The following TEX13B variants were observed in gnomAD, a reference collection of about 807,000 sequenced individuals.
TEX13B encodes testis expressed 13B, also known as testis-expressed protein 13B.
In TEX13B, 5 loss-of-function variants were observed where a neutral mutation model predicts 11.2. That is an observed-to-expected ratio of 0.44 (90% CI 0.23 to 0.93). The LOEUF (loss-of-function observed/expected upper bound fraction) is 0.93, where lower values mean the gene tolerates loss of function less well. Among genes scored for constraint, TEX13B ranks in the 40% least tolerant of loss-of-function variants. The pLI, the probability that TEX13B is intolerant of heterozygous loss-of-function variation, is 0.23. For missense variants in TEX13B, 213 were observed against 244.2 expected, an observed-to-expected ratio of 0.87 and a Z score of 0.85; for synonymous variants, 115 against 100.9, an observed-to-expected ratio of 1.14 and a Z score of -0.84.
chrX:107,982,270 C>G, intron 1 of TEX13B, 40 bp downstream of exon 1: 1 of 601,593 alleles, frequency 1.7e-6, no homozygotes, highest in Non-Finnish European at 2.5e-6. Context: ...ACCCTCTGAC[C>G]GGCTTGTCCT....
rs750553934 is a variant in TEX13B, at chrX:107,981,956, C to T, written c.172G>A (p.Glu58Lys). ...DKLRAILEDS[E>K]VPSEVKEACT... ...GCCTCTTTGACCTCGCTGGGCACCT[C>T]GCTGTCCTCCAGGATGGCCCTGAGC... is the stretch of plus-strand genomic sequence containing the variant. The change falls in exon 2 of 3, where the codon GAG becomes AAG. Residue 58 changes from glutamate (E) to lysine (K), a missense_variant. Physicochemically the swap from Glu to Lys is moderately conservative, Grantham distance 56. Transcript: ENST00000302917. The T allele has an allele frequency of 3.1e-5, 37 of 1,210,244 alleles. No homozygotes were observed. The South Asian group carries it at 6.0e-4, about 20-fold the overall frequency.
chrX:107,981,019 G>C lies in TEX13B; in HGVS notation c.*61C>G. ...GCTGATGGAGTTCGGAGTCTCTCCTGTCTCTTGGGGGCTCTTGAGGGTCTA... is the reference window on the plus strand; with the variant it reads ...GCTGATGGAGTTCGGAGTCTCTCCTCTCTCTTGGGGGCTCTTGAGGGTCTA... On this transcript the variant is annotated 3_prime_UTR_variant, in exon 3 of 3. Transcript: ENST00000302917. 1 of 1,201,141 alleles carries C rather than the reference G, an allele frequency of 8.3e-7. No individual in the cohort carries two copies. Among genetic ancestry groups the C allele is most frequent in the East Asian group, 3.0e-5 (1 of 33,758 alleles).
In TEX13B at chrX:107,981,731, C is replaced by T; in HGVS notation, c.397G>A (p.Glu133Lys). ...NEATFQLQLT[E>K]TSLAEVQRER... is the part of the protein sequence containing the mutation. Reference sequence around the variant, plus strand: ...CTCTGCACCTCCGCAAGGCTGGTCTCGGTTAGCTGCAACTGGAAGGTCGCC... The same window carrying T: ...CTCTGCACCTCCGCAAGGCTGGTCTTGGTTAGCTGCAACTGGAAGGTCGCC... The change falls in exon 2 of 3, where the codon GAG (glutamate) becomes AAG (lysine). Residue 133 changes from glutamate (E) to lysine (K), a missense_variant. Coordinates refer to ENST00000302917, the MANE Select transcript of TEX13B (RefSeq NM_031273.2). The T allele has an allele frequency of 8.3e-7, 1 of 1,210,879 alleles. No homozygotes were observed. Among genetic ancestry groups the T allele is most frequent in the Non-Finnish European group, 1.1e-6 (1 of 895,014 alleles).
rs1273382463 is a variant in TEX13B, at chrX:107,981,425, T to C, written c.594A>G (p.Lys198=). 2.5e-6 allele frequency: 3 copies of C among 1,210,073 alleles called. No individual in the cohort carries two copies. Among genetic ancestry groups the C allele is most frequent in the Non-Finnish European group, 3.4e-6 (3 of 895,220 alleles). ...CTGCCTCTGCATACCTCTCCTCTCC[T>C]TTTCCTCCAGCAGCACCAGCAGCAG... ...AVAAAGAAGG[K]GEERYAEAGP... The change falls in exon 3 of 3, where the codon AAA becomes AAG. Residue 198 remains lysine, a synonymous_variant. Coordinates refer to ENST00000302917, the MANE Select transcript of TEX13B (RefSeq NM_031273.2).
At position 107,981,212 on chromosome X, in the gene TEX13B, A is replaced by T. The variant is rs1226215592; in HGVS notation, c.807T>A (p.Ala269=). The T allele has an allele frequency of 2.5e-6, 3 of 1,209,944 alleles. No individual in the cohort carries two copies. The highest frequency in any genetic ancestry group is 3.4e-6 in the Non-Finnish European group (3 of 895,208). The part of the protein sequence containing the change: ...HSLTGASSCP[A]PYLIHILIPM... Reference sequence around the variant, plus strand: ...GTATGAGTATGTGAATGAGGTAGGGAGCTGGACAGGAAGAGGCTCCAGTGA... The same window carrying T: ...GTATGAGTATGTGAATGAGGTAGGGTGCTGGACAGGAAGAGGCTCCAGTGA... Residue 269 remains alanine, a synonymous_variant, in exon 3 of 3, where the codon GCT becomes GCA. Coordinates refer to ENST00000302917, the MANE Select transcript of TEX13B (RefSeq NM_031273.2).
Position 107,981,330 on chromosome X carries a change from G to T in TEX13B, c.689C>A (p.Ala230Glu), listed in dbSNP as rs1256784515. 2.5e-6 allele frequency: 3 copies of T among 1,211,629 alleles called. No homozygotes were observed. Among genetic ancestry groups the T allele is most frequent in the East Asian group, 3.0e-5 (1 of 33,815 alleles). ...TGCCCCGCAAAGGTGTAATTTGCCT[G>T]CTACAATAGCTCCGAGGGGCTGCCT... ...GFRQPLGAIV[A>E]GKLHLCGAEG... Residue 230 changes from alanine to glutamate, a missense_variant, in exon 3 of 3, where the codon GCA (alanine) becomes GAA (glutamate). Transcript: ENST00000302917.
In TEX13B at chrX:107,981,678, G is replaced by A. The variant is rs757384919; in HGVS notation, c.450C>T (p.Leu150=). The A allele has an allele frequency of 1.9e-5, 23 of 1,196,942 alleles. No individual in the cohort carries two copies. The highest frequency in any genetic ancestry group is 2.6e-5 in the Non-Finnish European group (23 of 886,250). ...ATTCGGGGGATCTTACGGCATGGAAGAGCTTCCATCTCAGCATGTCCCGCT... is the reference window on the plus strand; with the variant it reads ...ATTCGGGGGATCTTACGGCATGGAAAAGCTTCCATCTCAGCATGTCCCGCT... The part of the protein sequence containing the change: ...QRERDMLRWK[L]FHAELAPPQG... The change falls in exon 2 of 3, where the codon CTC becomes CTT. Residue 150 remains leucine (L), a synonymous_variant. Coordinates refer to ENST00000302917, the MANE Select transcript of TEX13B (RefSeq NM_031273.2).
rs754114790 is a variant in TEX13B, at chrX:107,981,989, C to T, written c.139G>A (p.Glu47Lys). 1.7e-5 allele frequency: 20 copies of T among 1,210,183 alleles called. No homozygotes were observed. Among genetic ancestry groups the T allele is most frequent in the Non-Finnish European group, 2.1e-5 (19 of 895,147 alleles). Residue 47 changes from glutamate (E) to lysine (K), a missense_variant, in exon 2 of 3, where the codon GAA (glutamate) becomes AAA (lysine). Physicochemically the swap from Glu to Lys is moderately conservative, Grantham distance 56 (BLOSUM62 1). Transcript: ENST00000302917. ...ENISLSWEEVEDKLRAILEDS... is the reference protein window; with the variant it reads ...ENISLSWEEVKDKLRAILEDS... ...TCCAGGATGGCCCTGAGCTTGTCTT[C>T]CACCTCCTCCCAGGATAAGGATATA...
chrX:107,981,020 T>C lies in TEX13B; in HGVS notation c.*60A>G. On this transcript the variant is annotated 3_prime_UTR_variant, in exon 3 of 3. Transcript: ENST00000302917. ...CTGATGGAGTTCGGAGTCTCTCCTG[T>C]CTCTTGGGGGCTCTTGAGGGTCTAT... 1 of 1,202,371 alleles carries C rather than the reference T, an allele frequency of 8.3e-7. No individual in the cohort carries two copies. The highest frequency in any genetic ancestry group is 1.1e-6 in the Non-Finnish European group (1 of 889,752).
intron 1 of TEX13B, 39 bp from the exon 2 acceptor site, chrX:107,982,198 C>T: frequency 2.0e-6 from 2 of 1,005,151 alleles, no homozygotes; most frequent in Non-Finnish European, 2.7e-6. Context: ...CTTTCCTCCT[C>T]CTTAGCCCCT....
chrX:107,982,139 G>C lies in TEX13B; in HGVS notation c.-12C>G, dbSNP rs751410554. 1.9e-5 allele frequency: 22 copies of C among 1,179,906 alleles called. No homozygotes were observed. The highest frequency in any genetic ancestry group is 2.5e-5 in the Non-Finnish European group (22 of 877,451). On this transcript the variant is annotated 5_prime_UTR_variant, in exon 2 of 3. Coordinates refer to ENST00000302917, the MANE Select transcript of TEX13B (RefSeq NM_031273.2). Reference sequence around the variant, plus strand: ...GGTCTCAAGGCCATGATCGCCTAGGGGCTTAACGGTTTCACTAGCCCTGTG... The same window carrying C: ...GGTCTCAAGGCCATGATCGCCTAGGCGCTTAACGGTTTCACTAGCCCTGTG...
Position 107,981,690 on chromosome X carries a change from C to T in TEX13B, c.438G>A (p.Leu146=). 8.3e-7 allele frequency: 1 copy of T among 1,200,436 alleles called. No individual in the cohort carries two copies. The highest frequency in any genetic ancestry group is 1.1e-6 in the Non-Finnish European group (1 of 888,722). Residue 146 remains leucine (L), a synonymous_variant, in exon 2 of 3, where the codon CTG becomes CTA. Coordinates refer to ENST00000302917, the MANE Select transcript of TEX13B (RefSeq NM_031273.2). ...TTACGGCATGGAAGAGCTTCCATCT[C>T]AGCATGTCCCGCTCTCTCTGCACCT... is the stretch of plus-strand genomic sequence containing the variant. The part of the protein sequence containing the change: ...LAEVQRERDM[L]RWKLFHAELA...
At position 107,980,945 on chromosome X, in the gene TEX13B, C is replaced by T; in HGVS notation, c.*135G>A. On this transcript the variant is annotated 3_prime_UTR_variant, in exon 3 of 3. Transcript: ENST00000302917. ...CCATGAAAAATTCACAGCTTTACAC[C>T]ACGGGCAGTCCCAGTTCCCTGGCCT... 1.0e-6 allele frequency: 1 copy of T among 968,855 alleles called. No individual in the cohort carries two copies. The highest frequency in any genetic ancestry group is 1.5e-6 in the Non-Finnish European group (1 of 682,327). 79.8% of individuals were successfully genotyped at this position (968,855 alleles called of 1,213,427 possible).
chrX:107,982,104 G>A lies in TEX13B; in HGVS notation c.24C>T (p.Pro8=). ...CGTTTCCGTGCCGGAACCCACTACT[G>A]GGGTCCTCAGGTCTCAAGGCCATGA... is the stretch of plus-strand genomic sequence containing the variant. The part of the protein sequence containing the change: MALRPED[P]SSGFRHGNVV... Residue 8 remains proline, a synonymous_variant, in exon 2 of 3, where the codon CCC becomes CCT. Coordinates refer to ENST00000302917, the MANE Select transcript of TEX13B (RefSeq NM_031273.2). 8.3e-7 allele frequency: 1 copy of A among 1,201,959 alleles called. No individual in the cohort carries two copies. The highest frequency in any genetic ancestry group is 1.1e-6 in the Non-Finnish European group (1 of 889,101).
rs1024332136 is a variant in TEX13B at position 107,981,771 on chromosome X, C to A, written c.357G>T (p.Glu119Asp). 8.3e-7 allele frequency: 1 copy of A among 1,212,055 alleles called. No homozygotes were observed. Among genetic ancestry groups the A allele is most frequent in the African/African-American group, 1.7e-5 (1 of 57,910 alleles). ...GGAAGGTCGCCTCATTGCATTCCAT[C>A]TCCTGCTGTTCCTTGAGTTCCGTCA... ...SNLTELKEQQ[E>D]MECNEATFQL... is the part of the protein sequence containing the mutation. Residue 119 changes from glutamate (E) to aspartate (D), a missense_variant, in exon 2 of 3, where the codon GAG becomes GAT. Transcript: ENST00000302917.
At position 107,981,881 on chromosome X, in the gene TEX13B, C is replaced by T. The variant is rs1424770648; in HGVS notation, c.247G>A (p.Gly83Arg). Residue 83 changes from glycine to arginine, a missense_variant, in exon 2 of 3, where the codon GGG becomes AGG. Transcript: ENST00000302917. ...TGCACCCTGCGGTTTTGTAACTGCC[C>T]CTGCCTGTGGGCAAAGCGCACACCC... ...ALGVRFAHRQGQLQNRRVQWL... is the reference protein window; with the variant it reads ...ALGVRFAHRQRQLQNRRVQWL... 2 of 1,209,233 alleles carry T rather than the reference C, an allele frequency of 1.7e-6. No individual in the cohort carries two copies. The highest frequency in any genetic ancestry group is 1.7e-5 in the African/African-American group (1 of 57,731).
In TEX13B at chrX:107,982,361, C is replaced by A; in HGVS notation, c.-84G>T. ...CAGGCCAACCCCGCTGCTTAACACG[C>A]CTGAAGAGAGGGTGGCCTCTTTCCC... On this transcript the variant is annotated 5_prime_UTR_variant, in exon 1 of 3. Coordinates refer to ENST00000302917, the MANE Select transcript of TEX13B (RefSeq NM_031273.2). 1 of 348,223 alleles carries A rather than the reference C, an allele frequency of 2.9e-6. No individual in the cohort carries two copies. The allele number at this position is 348,223 out of a possible 1,213,427, so 28.7% of individuals were successfully genotyped here.
In TEX13B at chrX:107,981,270, T is replaced by C; in HGVS notation, c.749A>G (p.His250Arg). The change falls in exon 3 of 3, where the codon CAT becomes CGT. Residue 250 changes from histidine (H) to arginine (R), a missense_variant. Physicochemically the swap from His to Arg is conservative, Grantham distance 29. Transcript: ENST00000302917. ...GACCCAAGCCCAGAGAAGACAGACATGGCTGTTTGTACTGACCTGAGATCT... is the reference window on the plus strand; with the variant it reads ...GACCCAAGCCCAGAGAAGACAGACACGGCTGTTTGTACTGACCTGAGATCT... The part of the protein sequence containing the change: ...GERSQVSTNS[H>R]VCLLWAWVHS... 1 of 1,211,433 alleles carries C rather than the reference T, an allele frequency of 8.3e-7. No homozygotes were observed. Among genetic ancestry groups the C allele is most frequent in the Non-Finnish European group, 1.1e-6 (1 of 895,302 alleles).
In TEX13B at chrX:107,981,230, T is replaced by A. The variant is rs1172090495; in HGVS notation, c.789A>T (p.Gly263=). The A allele has an allele frequency of 8.3e-7, 1 of 1,211,830 alleles. No homozygotes were observed. Among genetic ancestry groups the A allele is most frequent in the Non-Finnish European group, 1.1e-6 (1 of 895,527 alleles). Residue 263 remains glycine (G), a synonymous_variant, in exon 3 of 3, where the codon GGA becomes GGT. Transcript: ENST00000302917. ...LLWAWVHSLT[G]ASSCPAPYLI... ...GGTAGGGAGCTGGACAGGAAGAGGC[T>A]CCAGTGAGACTGTGGACCCAAGCCC...
Sources: gnomAD v4.1 joint callset for allele counts on GRCh38, gnomAD v4.1.1 for gene constraint, MANE v1.5 for transcripts, NCBI Gene and HGNC (gene_info 2026-07-23, HGNC 2026-07-21) for gene names.